Variants in GPHN observed in about 807,000 individuals in gnomAD.
GPHN encodes the protein gephyrin.
In GPHN, 17 loss-of-function variants were observed where a neutral mutation model predicts 95.5. That is an observed-to-expected ratio of 0.18 (90% CI 0.12 to 0.27). GPHN has a LOEUF of 0.27. GPHN is among the 10% of genes least tolerant of loss of function. The pLI, the probability that GPHN is intolerant of heterozygous loss-of-function variation, is 1.00. For missense variants in GPHN, 660 were observed against 978.1 expected (o/e 0.67, Z 4.34); for synonymous variants, 320 against 322.5 (o/e 0.99, Z 0.08).
rs1264164364 is a variant in GPHN at position 67,089,125 on chromosome 14, C to CTT, written c.1237+56_1237+57dup. Reference sequence around the variant, plus strand: ...ATAATCAGGCACTGTATTTTTTTTTCTTTTTTTCTTTTTTTTTTTTTTTTT... The same window carrying CTT: ...ATAATCAGGCACTGTATTTTTTTTTCTTTTTTTTTCTTTTTTTTTTTTTTTTT... On this transcript the variant is annotated intron_variant, in intron 12 of 22. Coordinates refer to ENST00000478722, the MANE Select transcript of GPHN (RefSeq NM_020806.5). The CTT allele has an allele frequency of 1.5e-4, 48 of 329,502 alleles. 1 individual carries two copies. Among genetic ancestry groups the CTT allele is most frequent in the South Asian group, 1.8e-4 (6 of 34,098 alleles). 20.4% of individuals were successfully genotyped at this position (329,502 alleles called of 1,614,324 possible). A position where few individuals can be genotyped will look rare whatever the true frequency, so the allele number is the denominator to read the frequency against.
chr14:67,358,363 C>T, the GPHN span, among the ~76,000 whole-genome samples: 1 of 152,140 alleles, frequency 6.6e-6, no homozygotes, highest in African/African-American at 2.4e-5. Flanking sequence ...GCTATTTAGT[C>T]ACCGGGCAGA....
the GPHN span, among the ~76,000 whole-genome samples, chr14:67,545,500 TC>T: frequency 6.6e-6 from 1 of 152,034 alleles, no homozygotes; most frequent in Non-Finnish European, 1.5e-5. Context: ...AAAAGGAAAG[TC>T]TATTAAATAC....
At chr14:67,648,248 G>T in the GPHN span, 1 of 1,518,896 alleles carries the variant, frequency 6.6e-7, no homozygotes, top group Admixed American at 2.0e-5. Context: ...TCTCTTGCCT[G>T]CAAAGGATCT....
At chr14:67,089,277 A>C (rs1015307848) in intron 12 of GPHN, among the ~76,000 whole-genome samples, 1 of 151,400 alleles carries the variant, frequency 6.6e-6, no homozygotes, top group African/African-American at 2.4e-5. Flanking sequence ...TTCTGGCACA[A>C]TCTTGATTAA....
intron 1 of GPHN, among the ~76,000 whole-genome samples, chr14:66,512,530 A>G (rs2058078739): frequency 1.3e-5 from 2 of 151,808 alleles, no homozygotes; most frequent in African/African-American, 4.8e-5. Flanking sequence ...TTTTTGGGAA[A>G]GGGCATTTTT....
At chr14:66,821,404 A>G (rs1275088373) in intron 3 of GPHN, among the ~76,000 whole-genome samples, 1 of 152,186 alleles carries the variant, frequency 6.6e-6, no homozygotes, top group Non-Finnish European at 1.5e-5. Flanking sequence ...GTGTATTTCT[A>G]ATTCCGTGAC....
intron 2 of GPHN, among the ~76,000 whole-genome samples, chr14:66,724,999 G>T (rs1271897466): frequency 2.0e-5 from 3 of 152,122 alleles, no homozygotes; most frequent in Admixed American, 1.3e-4. Flanking sequence ...TGGTCTTTAG[G>T]AGGTAATTAA....
At chr14:66,828,736 G>A (rs1357077333) in intron 4 of GPHN, among the ~76,000 whole-genome samples, 1 of 152,054 alleles carries the variant, frequency 6.6e-6, no homozygotes, top group Non-Finnish European at 1.5e-5. Flanking sequence ...CAATGGGTAT[G>A]AGCTCTAGAT....
the GPHN span, chr14:67,692,564 C>T: frequency 1.2e-6 from 2 of 1,604,422 alleles, no homozygotes; most frequent in Non-Finnish European, 8.5e-7. Flanking sequence ...CCCTTTTCCA[C>T]ATCCCGGCAA....
the GPHN span, among the ~76,000 whole-genome samples, chr14:67,663,477 T>A: frequency 2.0e-4 from 30 of 151,810 alleles, no homozygotes; most frequent in Non-Finnish European, 4.4e-4. Flanking sequence ...ATCGAGACCA[T>A]CCTGCCTAAC....
intron 2 of GPHN, among the ~76,000 whole-genome samples, chr14:66,694,474 G>GT (rs1369639310): frequency 1.3e-5 from 2 of 152,258 alleles, no homozygotes; most frequent in South Asian, 2.1e-4. Context: ...AGCAAAGATA[G>GT]TTTTTTTAAC....
At chr14:66,692,872 A>G (rs1414873317) in intron 2 of GPHN, among the ~76,000 whole-genome samples, 2 of 152,048 alleles carry the variant, frequency 1.3e-5, no homozygotes, top group Admixed American at 1.3e-4. Flanking sequence ...ATAGTGTTAT[A>G]TTTTTTATGT....
At chr14:67,088,165 T>A (rs958467894) in intron 11 of GPHN, among the ~76,000 whole-genome samples, 3 of 152,240 alleles carry the variant, frequency 2.0e-5, no homozygotes, top group South Asian at 2.1e-4. Flanking sequence ...CCTTTTTTTT[T>A]AAGCTTTCTC....
rs116519166 is a variant in GPHN at position 66,684,446 on chromosome 14, T to C, written c.143+3261T>C. 5.5e-3 allele frequency among the ~76,000 whole-genome samples: 837 copies of C among 152,192 alleles called. 3 individuals carry two copies. The highest frequency in any genetic ancestry group is 0.019 in the African/African-American group (799 of 41,506). On this transcript the variant is annotated intron_variant, in intron 2 of 22. Transcript: ENST00000478722. ...TATAAAACAATGTTTAAACCAAGAGTAGTCAGAGCTAGATGAGGGGCTTAC... is the reference window on the plus strand; with the variant it reads ...TATAAAACAATGTTTAAACCAAGAGCAGTCAGAGCTAGATGAGGGGCTTAC...
the GPHN span, chr14:67,561,811 A>G: frequency 1.5e-6 from 1 of 654,320 alleles, no homozygotes; most frequent in Non-Finnish European, 2.6e-6. Flanking sequence ...TCAAGGCTGC[A>G]GTGAGCCAAA....
At chr14:67,562,244 G>A in the GPHN span, 1 of 1,612,752 alleles carries the variant, frequency 6.2e-7, no homozygotes, top group Non-Finnish European at 8.5e-7. Flanking sequence ...CCAGGACAGT[G>A]GCTCCCAGGC....
chr14:67,584,137 G>A, the GPHN span: 3 of 1,611,286 alleles, frequency 1.9e-6, no homozygotes, highest in Non-Finnish European at 2.5e-6. Context: ...AAGTGCCAGT[G>A]GAAGGAGCTG....
the GPHN span, among the ~76,000 whole-genome samples, chr14:67,415,817 G>A: frequency 6.6e-6 from 1 of 152,218 alleles, no homozygotes; most frequent in African/African-American, 2.4e-5. Context: ...ATAAGATCAT[G>A]TCCGTTGCAG....
the GPHN span, chr14:67,621,075 C>A: frequency 1.0e-6 from 1 of 997,134 alleles, no homozygotes; most frequent in Non-Finnish European, 1.6e-6. Context: ...GAACAGTCTG[C>A]CACATCCCGC....
Sources: allele counts gnomAD v4.1 joint callset (sites outside exome capture counted in the v4.1 genomes callset), GRCh38; gene constraint gnomAD v4.1.1; transcripts MANE v1.5; gene names NCBI Gene and HGNC (gene_info 2026-07-23, HGNC 2026-07-21).